The following PLEKHG5 variants were observed in gnomAD, a reference collection of about 807,000 sequenced individuals.
PLEKHG5 encodes pleckstrin homology and RhoGEF domain containing G5.
A neutral mutation model predicts 103.8 loss-of-function variants in PLEKHG5; 52 were observed. The observed-to-expected ratio is 0.50, with a 90% CI of 0.40 to 0.63. The LOEUF is 0.63. PLEKHG5 is among the 30% of genes least tolerant of loss of function. The pLI is 0.00. For missense variants in PLEKHG5, 1,205 were observed against 1,347.6 expected (o/e 0.89, Z 1.66); for synonymous variants, 592 against 575.5 (o/e 1.03, Z -0.41).
upstream of PLEKHG5, among the ~76,000 whole-genome samples, chr1:6,497,770 G>A (rs1010895761): frequency 8.5e-5 from 13 of 152,150 alleles, no homozygotes; most frequent in Admixed American, 1.3e-4. This position sits in a 1 kb window ranked among gnomAD's most constrained non-coding sequence, Gnocchi z 6.1. Flanking sequence ...AGGCTGCCCC[G>A]CGCAGGGTGA....
At chr1:6,470,008 C>T (rs2148580595) in intron 16 of PLEKHG5, among the ~76,000 whole-genome samples, 1 of 152,372 alleles carries the variant, frequency 6.6e-6, no homozygotes, top group South Asian at 2.1e-4. Flanking sequence ...GCTGCCCTCC[C>T]ACCAGGAACC....
At chr1:6,492,341 C>G (rs1645162358), upstream of PLEKHG5, among the ~76,000 whole-genome samples, 1 of 152,158 alleles carries the variant, frequency 6.6e-6, no homozygotes, top group East Asian at 1.9e-4. Flanking sequence ...CTGACTAGAC[C>G]TCGAACAGTG....
upstream of PLEKHG5, among the ~76,000 whole-genome samples, chr1:6,499,344 T>C (rs1480504248): frequency 6.6e-6 from 1 of 152,200 alleles, no homozygotes; most frequent in Admixed American, 6.5e-5. Flanking sequence ...TTCCTTGTCC[T>C]TTGCCTGGTA....
In PLEKHG5 at chr1:6,504,437, C is replaced by T. The variant is rs541177399; in HGVS notation, c.-164-7868G>A. Among the ~76,000 whole-genome samples the T allele has an allele frequency of 3.3e-5, 5 of 152,310 alleles. No individual in the cohort carries two copies. In the East Asian group the frequency reaches 9.7e-4, roughly 29 times the overall value. ...TGGGGCCTGTGGGACACTGTACCTG[C>T]CTCTCCTGACAAGCAGCCACATTCC... On this transcript the variant is annotated intron_variant, in intron 1 of 21. Transcript: ENST00000377740.
In PLEKHG5 at chr1:6,467,382, G is replaced by A; in HGVS notation, c.*181C>T. 1 of 757,102 alleles carries A rather than the reference G, an allele frequency of 1.3e-6. No homozygotes were observed. Among genetic ancestry groups the A allele is most frequent in the Non-Finnish European group, 2.4e-6 (1 of 420,302 alleles). The allele number at this position is 757,102 out of a possible 1,614,324, so 46.9% of individuals were successfully genotyped here. A position where few individuals can be genotyped will look rare whatever the true frequency, so the allele number is the denominator to read the frequency against. On this transcript the variant is annotated 3_prime_UTR_variant, in exon 21 of 21. Coordinates refer to ENST00000377728, the MANE Select transcript of PLEKHG5 (RefSeq NM_020631.6). ...CAGGTGGGGTGGTACTGTGGCCTGG[G>A]CCTCCTCCACTCCATCCAGTCCGGC... is the stretch of plus-strand genomic sequence containing the variant.
In PLEKHG5 at chr1:6,470,429, T is replaced by C. The variant is rs374173834; in HGVS notation, c.1681-74A>G. ...TCTCAGCTAGGCATCCTCAGTGAGATGCCCAGCACAGCCCCTGCCTGCCAG... is the reference window on the plus strand; with the variant it reads ...TCTCAGCTAGGCATCCTCAGTGAGACGCCCAGCACAGCCCCTGCCTGCCAG... On this transcript the variant is annotated intron_variant, in intron 15 of 20. Transcript: ENST00000377728. The C allele has an allele frequency of 8.1e-5, 131 of 1,612,444 alleles. No individual in the cohort carries two copies. The African/African-American group carries it at 1.1e-3, about 14-fold the overall frequency.
At chr1:6,468,939 C>A in intron 19 of PLEKHG5, 103 bp downstream of exon 19, 1 of 997,032 alleles carries the variant, frequency 1.0e-6, no homozygotes, top group Non-Finnish European at 1.6e-6. Context: ...GTGTTCATGA[C>A]AAGAGGCCAT....
intron 1 of PLEKHG5, chr1:6,519,331 G>T: frequency 1.2e-6 from 1 of 849,842 alleles, no homozygotes; most frequent in Non-Finnish European, 2.0e-6. Context: ...AAACCGTCCG[G>T]ACTAATTCAG....
intron 6 of PLEKHG5, 137 bp downstream of exon 6, chr1:6,474,314 C>T: frequency 7.5e-7 from 1 of 1,326,230 alleles, no homozygotes; most frequent in South Asian, 1.2e-5. Flanking sequence ...CCCCCAGCAG[C>T]ATCCAGCAGA....
upstream of PLEKHG5, among the ~76,000 whole-genome samples, chr1:6,495,370 C>T (rs1217433896): frequency 6.6e-6 from 1 of 152,224 alleles, no homozygotes; most frequent in Non-Finnish European, 1.5e-5. Context: ...CTCACCACGG[C>T]CCTCCTGTGC....
intron 2 of PLEKHG5, 96 bp downstream of exon 2, chr1:6,477,430 TCGA>T: frequency 8.1e-7 from 1 of 1,238,628 alleles, no homozygotes; most frequent in Admixed American, 1.7e-5. Context: ...TTATTTACAG[TCGA>T]CTTGTCCTTA....
chr1:6,509,885 T>G (rs867533247), intron 1 of PLEKHG5, among the ~76,000 whole-genome samples: 1 of 152,184 alleles, frequency 6.6e-6, no homozygotes, highest in South Asian at 2.1e-4. Context: ...CCCAAAGGGA[T>G]AGACTTGGTG....
chr1:6,491,514 C>T lies in PLEKHG5; in HGVS notation c.-88+123G>A, dbSNP rs938293604. On this transcript the variant is annotated intron_variant, in intron 1 of 20. Coordinates refer to ENST00000377728, the MANE Select transcript of PLEKHG5 (RefSeq NM_020631.6). This position sits in a 1 kb window ranked among gnomAD's most constrained non-coding sequence, Gnocchi z 4.1. Reference sequence around the variant, plus strand: ...TGCAGATAGCCCCACCACCTCTCTCCGGGGACCAGTCACTTCCAGAGATGG... The same window carrying T: ...TGCAGATAGCCCCACCACCTCTCTCTGGGGACCAGTCACTTCCAGAGATGG... The T allele has an allele frequency of 1.4e-4, 41 of 285,060 alleles. No homozygotes were observed. The highest frequency in any genetic ancestry group is 1.2e-4 in the African/African-American group (5 of 43,464). The allele number at this position is 285,060 out of a possible 1,614,324, so 17.7% of individuals were successfully genotyped here. A position where few individuals can be genotyped will look rare whatever the true frequency, so the allele number is the denominator to read the frequency against.
intron 1 of PLEKHG5, among the ~76,000 whole-genome samples, chr1:6,484,976 A>T (rs1246236271): frequency 6.6e-6 from 1 of 152,164 alleles, no homozygotes; most frequent in Non-Finnish European, 1.5e-5. Flanking sequence ...CCTCTGGGGT[A>T]GGAGGAGGCT....
At chr1:6,502,128 G>A (rs1645302726) in intron 1 of PLEKHG5, among the ~76,000 whole-genome samples, 1 of 152,282 alleles carries the variant, frequency 6.6e-6, no homozygotes, top group African/African-American at 2.4e-5. Flanking sequence ...AGCAGCCTGG[G>A]GAAGGGCAAG....
intron 4 of PLEKHG5, 75 bp downstream of exon 4, chr1:6,475,387 G>A (rs1034512289): frequency 8.3e-6 from 11 of 1,322,666 alleles, no homozygotes; most frequent in African/African-American, 1.5e-5. Flanking sequence ...CCCCCATCCC[G>A]GAGGAAGGCC....
rs1177191271 is a variant in PLEKHG5 at position 6,486,151 on chromosome 1, C to T, written c.-88+5486G>A. On this transcript the variant is annotated intron_variant, in intron 1 of 20. Transcript: ENST00000377728. This position sits in a 1 kb window ranked among gnomAD's most constrained non-coding sequence, Gnocchi z 5.3. ...CTCCCTTCCTCCTGGAGACCCCCAC[C>T]CCCGCCTCGGAGCCTCAGCCCAGGG... is the stretch of plus-strand genomic sequence containing the variant. Among the ~76,000 whole-genome samples, 1 of 151,950 alleles carries T rather than the reference C, an allele frequency of 6.6e-6. No homozygotes were observed. The highest frequency in any genetic ancestry group is 1.5e-5 in the Non-Finnish European group (1 of 67,956).
At position 6,475,931 on chromosome 1, in the gene PLEKHG5, C is replaced by A. The variant is rs1249683833; in HGVS notation, c.149G>T (p.Gly50Val). ...EEEESSVDGK[G>V]DRKSTGLKLS... Reference sequence around the variant, plus strand: ...CTCTGCCCACTCATCCCTCACCTACCCTTTGCCATCCACAGAGCTCTCCTC... The same window carrying A: ...CTCTGCCCACTCATCCCTCACCTACACTTTGCCATCCACAGAGCTCTCCTC... Residue 50 changes from glycine (G) to valine (V), a missense_variant and splice_region_variant, in exon 3 of 21, where the codon GGG becomes GTG. Gly to Val is a moderately radical substitution (Grantham distance 109). Coordinates refer to ENST00000377728, the MANE Select transcript of PLEKHG5 (RefSeq NM_020631.6). The A allele has an allele frequency of 6.2e-7, 1 of 1,612,800 alleles. No homozygotes were observed. Among genetic ancestry groups the A allele is most frequent in the South Asian group, 1.1e-5 (1 of 91,066 alleles).
chr1:6,519,084 C>T (rs901119086), intron 1 of PLEKHG5, among the ~76,000 whole-genome samples: 13 of 152,184 alleles, frequency 8.5e-5, no homozygotes, highest in East Asian at 5.8e-4. Context: ...CCTTGTGATC[C>T]GCCTGCCTCG....
Sources: allele counts gnomAD v4.1 joint callset (sites outside exome capture counted in the v4.1 genomes callset), GRCh38; gene constraint gnomAD v4.1.1; non-coding constraint Gnocchi (gnomAD v3.1); transcripts MANE v1.5; gene names NCBI Gene and HGNC (gene_info 2026-07-23, HGNC 2026-07-21).